Variants in KIF16B observed in about 807,000 individuals in gnomAD.
KIF16B encodes the protein kinesin-like protein KIF16B.
In KIF16B, 98 loss-of-function variants were observed where a neutral mutation model predicts 156.3. The ratio of observed to expected loss-of-function variants is 0.63; its 90% confidence interval spans 0.53 to 0.74. The LOEUF is 0.74. Among genes scored for constraint, KIF16B ranks in the 30% least tolerant of loss-of-function variants. KIF16B has a pLI of 0.00. For missense variants in KIF16B, 1,421 were observed against 1,606.5 expected (o/e 0.88, Z 1.97); for synonymous variants, 564 against 583.7 (o/e 0.97, Z 0.49).
At chr20:16,477,568 G>T (rs1034847153) in intron 12 of KIF16B, among the ~76,000 whole-genome samples, 11 of 152,100 alleles carry the variant, frequency 7.2e-5, no homozygotes, top group African/African-American at 2.7e-4. Flanking sequence ...AAGACGTTCA[G>T]AAATCATGTT....
At chr20:16,293,940 G>A (rs1401977806) in intron 25 of KIF16B, among the ~76,000 whole-genome samples, 1 of 151,990 alleles carries the variant, frequency 6.6e-6, no homozygotes, top group African/African-American at 2.4e-5. Flanking sequence ...TGCATGCTGG[G>A]GAGCCATCAT....
chr20:16,356,431 C>G lies in KIF16B; in HGVS notation c.3520G>C (p.Gly1174Arg). 1.9e-6 allele frequency: 3 copies of G among 1,613,984 alleles called. No individual in the cohort carries two copies. The highest frequency in any genetic ancestry group is 2.5e-6 in the Non-Finnish European group (3 of 1,179,966). ...KYERMVSRSL[G>R]ANPDDLKDPI... ...TCCTTCAGGTCATCTGGATTTGCGC[C>G]CAAAGAGCGAGAAACCATCCGCTAT... The change falls in exon 23 of 26, where the codon GGC (glycine) becomes CGC (arginine). Residue 1174 changes from glycine to arginine, a missense_variant. By Grantham distance (125) the Gly-to-Arg change is moderately radical. Coordinates refer to ENST00000354981, the MANE Select transcript of KIF16B (RefSeq NM_024704.5).
intron 12 of KIF16B, among the ~76,000 whole-genome samples, chr20:16,447,082 A>G (rs901271356): frequency 3.9e-5 from 6 of 152,266 alleles, no homozygotes; most frequent in Admixed American, 6.5e-5. Flanking sequence ...AATTGTTTAA[A>G]TGACAGGCCA....
Position 16,573,346 on chromosome 20 carries a change from A to G in KIF16B, c.-71T>C. 2.0e-6 allele frequency: 3 copies of G among 1,535,356 alleles called. No individual in the cohort carries two copies. The highest frequency in any genetic ancestry group is 1.8e-6 in the Non-Finnish European group (2 of 1,122,560). On this transcript the variant is annotated 5_prime_UTR_variant, in exon 1 of 26. The change abolishes the stop of an existing upstream ORF in the 5' untranslated region. Transcript: ENST00000354981. ...TCCGCGGTCGCCGGCGACGCTGGCT[A>G]CTCAGATCGCGGCTCCCGCCCACTT...
At chr20:16,458,377 C>A (rs555611613) in intron 12 of KIF16B, among the ~76,000 whole-genome samples, 1 of 152,142 alleles carries the variant, frequency 6.6e-6, no homozygotes, top group Non-Finnish European at 1.5e-5. Context: ...CTCAGCCCAA[C>A]GGTGGGCATG....
rs75150699 is a variant in KIF16B at position 16,441,540 on chromosome 20, T to C, written c.1303-11558A>G. On this transcript the variant is annotated intron_variant, in intron 12 of 25. Transcript: ENST00000354981. Reference sequence around the variant, plus strand: ...GCTAGACCAAGAAGCTTTCAAAAAATTGGTATTTTTTGAAATGTCAAAATA... The same window carrying C: ...GCTAGACCAAGAAGCTTTCAAAAAACTGGTATTTTTTGAAATGTCAAAATA... Among the ~76,000 whole-genome samples the C allele has an allele frequency of 9.3e-3, 1,415 of 152,272 alleles. 10 individuals carry two copies. Among genetic ancestry groups the C allele is most frequent in the Middle Eastern group, 0.027 (8 of 294 alleles).
At chr20:16,518,685 A>G (rs1320866997) in intron 3 of KIF16B, among the ~76,000 whole-genome samples, 1 of 152,168 alleles carries the variant, frequency 6.6e-6, no homozygotes, top group Non-Finnish European at 1.5e-5. Flanking sequence ...TAAGTTGCTC[A>G]TTGATTTTTT....
At chr20:16,425,956 G>C (rs11087166) in intron 15 of KIF16B, among the ~76,000 whole-genome samples, 2 of 152,066 alleles carry the variant, frequency 1.3e-5, no homozygotes, top group African/African-American at 2.4e-5. Flanking sequence ...GAGGAAGCAA[G>C]GCATGTCTTC....
chr20:16,538,595 G>A (rs1248334788), intron 1 of KIF16B, among the ~76,000 whole-genome samples: 1 of 152,086 alleles, frequency 6.6e-6, no homozygotes, highest in Non-Finnish European at 1.5e-5. Flanking sequence ...ATCAATATGG[G>A]GGGAGGAGGA....
At chr20:16,539,648 A>G (rs906941288) in intron 1 of KIF16B, among the ~76,000 whole-genome samples, 3 of 152,210 alleles carry the variant, frequency 2.0e-5, no homozygotes, top group Non-Finnish European at 2.9e-5. Context: ...CCCCAGAAGC[A>G]GATGCTGCTA....
intron 23 of KIF16B, among the ~76,000 whole-genome samples, chr20:16,338,074 T>G (rs575801974): frequency 2.6e-5 from 4 of 152,300 alleles, no homozygotes; most frequent in South Asian, 4.1e-4. Context: ...ATGCTTCCAC[T>G]GCACTTCTTG....
chr20:16,414,571 AG>A (rs1379068109), intron 15 of KIF16B, among the ~76,000 whole-genome samples: 1 of 152,172 alleles, frequency 6.6e-6, no homozygotes, highest in Non-Finnish European at 1.5e-5. Flanking sequence ...ACTCTGTAGA[AG>A]AAAGAAAATT....
At chr20:16,528,581 C>T (rs1344549236) in intron 1 of KIF16B, 141 bp from the exon 2 acceptor site, 2 of 641,726 alleles carry the variant, frequency 3.1e-6, no homozygotes, top group East Asian at 5.5e-5. Context: ...CCAGACACGG[C>T]TCCTCCCAAA....
chr20:16,414,323 CAG>C (rs1175028654), intron 15 of KIF16B, among the ~76,000 whole-genome samples: 1 of 152,046 alleles, frequency 6.6e-6, no homozygotes, highest in Non-Finnish European at 1.5e-5. Flanking sequence ...GAATGAATGA[CAG>C]GCACTCTGCA....
chr20:16,533,492 C>T (rs1025554353), intron 1 of KIF16B, among the ~76,000 whole-genome samples: 3 of 152,142 alleles, frequency 2.0e-5, no homozygotes, highest in Admixed American at 2.0e-4. Flanking sequence ...TTAGGTTTAC[C>T]CTTATGAAAT....
intron 25 of KIF16B, among the ~76,000 whole-genome samples, chr20:16,306,617 T>C (rs545053046): frequency 6.6e-6 from 1 of 152,302 alleles, no homozygotes; most frequent in South Asian, 2.1e-4. Context: ...ACTTTGCAAG[T>C]AAATGTAACA....
At chr20:16,564,410 G>A (rs1045123410) in intron 1 of KIF16B, among the ~76,000 whole-genome samples, 19 of 151,962 alleles carry the variant, frequency 1.3e-4, no homozygotes, top group Non-Finnish European at 2.2e-4. Context: ...TGCATCGCAA[G>A]GACAAAAAAC....
intron 4 of KIF16B, among the ~76,000 whole-genome samples, chr20:16,513,145 G>A (rs572028955): frequency 2.2e-4 from 34 of 152,120 alleles, no homozygotes; most frequent in African/African-American, 6.5e-4. Context: ...GATAATATAC[G>A]GTTATCAGTT....
chr20:16,371,803 C>G, intron 20 of KIF16B, 42 bp from the exon 21 acceptor site: 1 of 1,326,970 alleles, frequency 7.5e-7, no homozygotes, highest in African/African-American at 1.5e-5. Flanking sequence ...CACTTCTAAC[C>G]ACACAGGACA....
Sources: allele counts gnomAD v4.1 joint callset (sites outside exome capture counted in the v4.1 genomes callset), GRCh38; gene constraint gnomAD v4.1.1; transcripts MANE v1.5; gene names NCBI Gene and HGNC (gene_info 2026-07-23, HGNC 2026-07-21).